PPP2R2B: variants seen among roughly 807,000 people sequenced by gnomAD.
The protein encoded by PPP2R2B is protein phosphatase 2 regulatory subunit Bbeta.
Under a neutral mutation model 46.0 loss-of-function variants are expected in PPP2R2B, and 5 were observed. That is an observed-to-expected ratio of 0.11 (90% confidence interval 0.06 to 0.23). PPP2R2B has a LOEUF of 0.23. Ranked by LOEUF, PPP2R2B falls within the 10% of genes least tolerant of loss-of-function variation. PPP2R2B has a pLI of 1.00. For synonymous variants in PPP2R2B, 215 were observed against 206.7 expected (o/e 1.04, Z -0.34); for missense variants, 367 against 575.0 (o/e 0.64, Z 3.70).
rs576439494 is a variant in PPP2R2B at position 146,583,008 on chromosome 5, C to T, written c.*6939G>A. 2.0e-5 allele frequency: 3 copies of T among 152,304 alleles called. No homozygotes were observed. Among genetic ancestry groups the T allele is most frequent in the South Asian group, 4.1e-4 (2 of 4,822 alleles). 9.4% of individuals were successfully genotyped at this position (152,304 alleles called of 1,614,324 possible). Reference sequence around the variant, plus strand: ...TTGCCCACTCACCTTACCATGTCTCCTTATTTCTCTTGGTCTGCCTTCCTA... The same window carrying T: ...TTGCCCACTCACCTTACCATGTCTCTTTATTTCTCTTGGTCTGCCTTCCTA... On this transcript the variant is annotated 3_prime_UTR_variant, in exon 10 of 10. Transcript: ENST00000394411.
chr5:147,008,642 A>G (rs533486234), intron 1 of PPP2R2B, among the ~76,000 whole-genome samples: 2 of 152,148 alleles, frequency 1.3e-5, no homozygotes, highest in South Asian at 4.1e-4. Context: ...CTCAAGAGTC[A>G]CCTCTTCTAA....
intron 5 of PPP2R2B, among the ~76,000 whole-genome samples, chr5:146,673,242 C>T (rs1777487191): frequency 6.6e-6 from 1 of 152,134 alleles, no homozygotes; most frequent in Non-Finnish European, 1.5e-5. Context: ...TCTATCTTAC[C>T]ACAGATGCTG....
At chr5:146,704,636 GC>G (rs1298900631) in intron 2 of PPP2R2B, among the ~76,000 whole-genome samples, 2 of 152,158 alleles carry the variant, frequency 1.3e-5, no homozygotes, top group Non-Finnish European at 2.9e-5. Context: ...AGTTTGCCTT[GC>G]TCCAAATCTA....
intron 2 of PPP2R2B, among the ~76,000 whole-genome samples, chr5:147,079,356 GATATAT>G (rs10565841): frequency 7.0e-6 from 1 of 142,338 alleles, no homozygotes; most frequent in Admixed American, 7.2e-5. Flanking sequence ...TACATACAGT[GATATAT>G]ATATATATAT....
intron 5 of PPP2R2B, among the ~76,000 whole-genome samples, chr5:146,689,110 C>T (rs1778678401): frequency 1.3e-5 from 2 of 152,074 alleles, no homozygotes; most frequent in African/African-American, 4.8e-5. Flanking sequence ...TAATAATAGC[C>T]ATGATGACGA....
At chr5:146,775,960 T>A (rs1046158547) in intron 2 of PPP2R2B, among the ~76,000 whole-genome samples, 2 of 152,050 alleles carry the variant, frequency 1.3e-5, no homozygotes, top group East Asian at 3.9e-4. Flanking sequence ...TACAAAACAT[T>A]GCTTAAAGAA....
intron 5 of PPP2R2B, among the ~76,000 whole-genome samples, chr5:146,667,132 G>A (rs967393343): frequency 9.9e-5 from 15 of 152,122 alleles, no homozygotes; most frequent in Non-Finnish European, 1.8e-4. Flanking sequence ...TAGGGAGGTG[G>A]AGAAGACAAT....
intron 2 of PPP2R2B, among the ~76,000 whole-genome samples, chr5:146,736,995 AT>A: frequency 6.6e-6 from 1 of 152,370 alleles, no homozygotes; most frequent in Non-Finnish European, 1.5e-5. Flanking sequence ...ATAGCATTTT[AT>A]TTAACTCAAT....
intron 1 of PPP2R2B, among the ~76,000 whole-genome samples, chr5:146,920,554 G>A (rs988613565): frequency 1.3e-5 from 2 of 152,220 alleles, no homozygotes; most frequent in African/African-American, 4.8e-5. Flanking sequence ...TTCCGACTGA[G>A]TTAACCTACT....
rs145726167 is a variant in PPP2R2B at position 146,799,389 on chromosome 5, T to G, written c.70+78613A>C. On this transcript the variant is annotated intron_variant, in intron 2 of 9. Coordinates refer to ENST00000394411, the MANE Select transcript of PPP2R2B (RefSeq NM_181675.4). Reference sequence around the variant, plus strand: ...CAGTGCTGTAAGAGTCCAAGGTCAGTAAAAGAGGTGTGAAACCAATTAGGG... The same window carrying G: ...CAGTGCTGTAAGAGTCCAAGGTCAGGAAAAGAGGTGTGAAACCAATTAGGG... 2.2e-3 allele frequency among the ~76,000 whole-genome samples: 339 copies of G among 152,298 alleles called. 2 individuals are homozygous for G. In the South Asian group the frequency reaches 0.033, roughly 15 times the overall value.
intron 2 of PPP2R2B, among the ~76,000 whole-genome samples, chr5:146,763,365 G>A (rs1411122210): frequency 6.6e-6 from 1 of 152,044 alleles, no homozygotes; most frequent in Non-Finnish European, 1.5e-5. Flanking sequence ...AGGATCTTCC[G>A]GTATGTTTCT....
chr5:146,842,207 C>T (rs1376239866), intron 2 of PPP2R2B, among the ~76,000 whole-genome samples: 1 of 152,164 alleles, frequency 6.6e-6, no homozygotes, highest in Admixed American at 6.5e-5. Context: ...TGATCAGCCA[C>T]TGAGGAATCG....
At chr5:146,590,317 C>T in intron 9 of PPP2R2B, 91 bp from the exon 10 acceptor site, 3 of 1,360,890 alleles carry the variant, frequency 2.2e-6, no homozygotes, top group South Asian at 1.5e-5. Flanking sequence ...CTTATGACAC[C>T]ATAGGTTTTA....
intron 2 of PPP2R2B, among the ~76,000 whole-genome samples, chr5:146,702,522 T>C (rs1342587492): frequency 6.6e-6 from 1 of 152,204 alleles, no homozygotes; most frequent in East Asian, 1.9e-4. Flanking sequence ...ATGTCTCCTT[T>C]AAAGGGGCAA....
At chr5:146,955,244 AC>A (rs944033509) in intron 1 of PPP2R2B, among the ~76,000 whole-genome samples, 1 of 152,200 alleles carries the variant, frequency 6.6e-6, no homozygotes, top group African/African-American at 2.4e-5. Context: ...CCAGCTCAAT[AC>A]TGGTCCAAGA....
chr5:146,749,330 C>T (rs952142460), intron 2 of PPP2R2B, among the ~76,000 whole-genome samples: 9 of 151,964 alleles, frequency 5.9e-5, no homozygotes, highest in African/African-American at 9.7e-5. Context: ...TATTTTCTTC[C>T]GGCCTGTAGT....
At position 146,775,268 on chromosome 5, in the gene PPP2R2B, C is replaced by A. The variant is rs376550781; in HGVS notation, c.71-74126G>T. 9.9e-5 allele frequency among the ~76,000 whole-genome samples: 15 copies of A among 152,170 alleles called. No individual in the cohort carries two copies. The East Asian group carries it at 2.9e-3, about 29-fold the overall frequency. ...CAAAATACTAGGAAACCAAGCTCAA[C>A]AGCATATTGAAAGGATTATACACCC... On this transcript the variant is annotated intron_variant, in intron 2 of 9. Transcript: ENST00000394411.
intron 2 of PPP2R2B, among the ~76,000 whole-genome samples, chr5:147,077,748 T>C (rs1337218231): frequency 3.9e-5 from 6 of 152,182 alleles, no homozygotes; most frequent in African/African-American, 1.4e-4. Context: ...AAAAAGTTTC[T>C]GCCTGTATTC....
At chr5:146,968,930 A>G (rs1330685373) in intron 1 of PPP2R2B, among the ~76,000 whole-genome samples, 1 of 152,256 alleles carries the variant, frequency 6.6e-6, no homozygotes, top group African/African-American at 2.4e-5. Context: ...TGAATATACA[A>G]TATTTACTTA....
Sources: allele counts gnomAD v4.1 joint callset (sites outside exome capture counted in the v4.1 genomes callset), GRCh38; gene constraint gnomAD v4.1.1; transcripts MANE v1.5; gene names NCBI Gene and HGNC (gene_info 2026-07-23, HGNC 2026-07-21).